The following GALNT13 variants were observed in gnomAD, a reference collection of about 807,000 sequenced individuals.
GALNT13 encodes the protein polypeptide N-acetylgalactosaminyltransferase 13, also known as UDP-GalNAc:polypeptide N-acetylgalactosaminyltransferase 13.
A neutral mutation model predicts 64.2 loss-of-function variants in GALNT13; 28 were observed. That is an observed-to-expected ratio of 0.44 (90% confidence interval 0.32 to 0.60). The LOEUF is 0.60. GALNT13 is among the 20% of genes least tolerant of loss of function. The probability of loss-of-function intolerance (pLI) is 0.05; values close to 1 mark genes in which losing one functional copy is unlikely to be tolerated. For synonymous variants in GALNT13, 214 were observed against 224.6 expected, an observed-to-expected ratio of 0.95 and a Z score of 0.42; for missense variants, 577 against 669.8, an observed-to-expected ratio of 0.86 and a Z score of 1.53.
chr2:153,183,035 T>C, the GALNT13 span, among the ~76,000 whole-genome samples: 1 of 152,198 alleles, frequency 6.6e-6, no homozygotes, highest in African/African-American at 2.4e-5. Flanking sequence ...TGCCTCTGGG[T>C]CTTTGAGAAA....
chr2:153,902,622 G>T (rs565293303), intron 2 of GALNT13, among the ~76,000 whole-genome samples: 8 of 152,240 alleles, frequency 5.3e-5, no homozygotes, highest in African/African-American at 1.9e-4. Context: ...ATGAAGGGAT[G>T]AGGGCAAGAC....
the GALNT13 span, among the ~76,000 whole-genome samples, chr2:153,644,393 G>T: frequency 1.3e-5 from 2 of 151,892 alleles, no homozygotes; most frequent in Admixed American, 1.3e-4. Flanking sequence ...ATTTGATTTT[G>T]TTGAAATATT....
chr2:154,453,907 T>C lies in GALNT13; in HGVS notation c.*3356T>C, dbSNP rs1055905825. ...ATTCTTCACATTAAACTATGGACTCTAATTTTCTGGATAAAATATCCTGCC... is the reference window on the plus strand; with the variant it reads ...ATTCTTCACATTAAACTATGGACTCCAATTTTCTGGATAAAATATCCTGCC... On this transcript the variant is annotated 3_prime_UTR_variant, in exon 13 of 13. Transcript: ENST00000392825. 5 of 152,188 alleles carry C rather than the reference T, an allele frequency of 3.3e-5. No individual in the cohort carries two copies. The highest frequency in any genetic ancestry group is 1.2e-4 in the African/African-American group (5 of 41,456). The allele number at this position is 152,188 out of a possible 1,614,324, so 9.4% of individuals were successfully genotyped here.
intron 3 of GALNT13, among the ~76,000 whole-genome samples, chr2:154,031,530 T>C (rs1698338463): frequency 6.6e-6 from 1 of 151,884 alleles, no homozygotes; most frequent in Non-Finnish European, 1.5e-5. Context: ...TTAATGTGTA[T>C]GGATATATAT....
At chr2:154,154,217 C>CA (rs1323586283) in intron 4 of GALNT13, among the ~76,000 whole-genome samples, 9 of 151,576 alleles carry the variant, frequency 5.9e-5, no homozygotes, top group South Asian at 2.1e-4. Context: ...TAGTTTTTTC[C>CA]AAAAAAATAA....
the GALNT13 span, among the ~76,000 whole-genome samples, chr2:153,637,589 GT>G: frequency 6.6e-6 from 1 of 152,184 alleles, no homozygotes; most frequent in East Asian, 1.9e-4. Flanking sequence ...ATAACAGCAA[GT>G]TTTTTGCATT....
the GALNT13 span, among the ~76,000 whole-genome samples, chr2:153,632,432 G>T: frequency 6.6e-6 from 1 of 151,996 alleles, no homozygotes; most frequent in Non-Finnish European, 1.5e-5. Flanking sequence ...TGTACCAAAT[G>T]CAAAATGTCA....
the GALNT13 span, among the ~76,000 whole-genome samples, chr2:153,534,277 G>T: frequency 6.6e-6 from 1 of 152,046 alleles, no homozygotes; most frequent in African/African-American, 2.4e-5. Context: ...CAGAAATAGC[G>T]GTAAATAGGC....
intron 7 of GALNT13, among the ~76,000 whole-genome samples, chr2:154,256,077 A>G (rs1690355832): frequency 6.6e-6 from 1 of 151,750 alleles, no homozygotes; most frequent in Non-Finnish European, 1.5e-5. Flanking sequence ...AAAAAAACTC[A>G]GTTAAAAATA....
chr2:153,149,944 A>G, the GALNT13 span, among the ~76,000 whole-genome samples: 1 of 151,780 alleles, frequency 6.6e-6, no homozygotes. Context: ...CCTGAAAATA[A>G]TGTCTTTGAG....
At chr2:153,277,825 AT>A in the GALNT13 span, among the ~76,000 whole-genome samples, 34 of 137,818 alleles carry the variant, frequency 2.5e-4, no homozygotes, top group Admixed American at 2.3e-3. Context: ...TGTATGTCTT[AT>A]TTTGAGAAGT....
chr2:153,218,381 G>T, the GALNT13 span, among the ~76,000 whole-genome samples: 1 of 152,026 alleles, frequency 6.6e-6, no homozygotes, highest in East Asian at 1.9e-4. Context: ...GTTATTTTTA[G>T]CCCAGCATGT....
chr2:153,577,664 T>A, the GALNT13 span, among the ~76,000 whole-genome samples: 1 of 152,046 alleles, frequency 6.6e-6, no homozygotes, highest in Admixed American at 6.6e-5. Context: ...TTTAGTGTTT[T>A]AAAAGTCTCA....
At chr2:153,318,989 C>T in the GALNT13 span, among the ~76,000 whole-genome samples, 1 of 152,102 alleles carries the variant, frequency 6.6e-6, no homozygotes, top group Non-Finnish European at 1.5e-5. Flanking sequence ...AAGTAGTTAT[C>T]TTTAACTCAT....
chr2:153,960,406 G>A (rs1156988707), intron 3 of GALNT13, among the ~76,000 whole-genome samples: 1 of 152,220 alleles, frequency 6.6e-6, no homozygotes. Context: ...GAGGTAGAAG[G>A]AAACAGCTTT....
chr2:153,339,269 C>T, the GALNT13 span, among the ~76,000 whole-genome samples: 3 of 152,310 alleles, frequency 2.0e-5, no homozygotes, highest in East Asian at 1.9e-4. Flanking sequence ...TCTTCACATT[C>T]TTGCCAACAC....
At chr2:153,988,069 TATATACACAC>T (rs1172039890) in intron 3 of GALNT13, among the ~76,000 whole-genome samples, 1 of 143,414 alleles carries the variant, frequency 7.0e-6, no homozygotes, top group Admixed American at 7.0e-5. Flanking sequence ...TATATATATA[TATATACACAC>T]ACACACACAC....
At chr2:154,206,174 T>G (rs1035836576) in intron 4 of GALNT13, among the ~76,000 whole-genome samples, 2 of 151,418 alleles carry the variant, frequency 1.3e-5, no homozygotes, top group African/African-American at 4.8e-5. Flanking sequence ...ATTTTTCTAT[T>G]TTTTTTATAG....
intron 2 of GALNT13, among the ~76,000 whole-genome samples, chr2:153,906,490 G>A (rs1363538883): frequency 6.7e-6 from 1 of 149,368 alleles, no homozygotes; most frequent in Non-Finnish European, 1.5e-5. Context: ...GTGAGAACAT[G>A]CAGTGTTTGG....
Sources: gnomAD v4.1 joint callset for allele counts (sites outside exome capture counted in the v4.1 genomes callset) on GRCh38, gnomAD v4.1.1 for gene constraint, MANE v1.5 for transcripts, NCBI Gene and HGNC (gene_info 2026-07-23, HGNC 2026-07-21) for gene names.